Variants in EML5 observed in about 807,000 individuals in gnomAD.
EML5 encodes EMAP like 5.
A neutral mutation model predicts 250.0 loss-of-function variants in EML5; 120 were observed. That is an observed-to-expected ratio of 0.48 (90% confidence interval 0.41 to 0.56). The LOEUF is 0.56. EML5 is among the 20% of genes least tolerant of loss of function. EML5 has a pLI of 0.00. For missense variants in EML5, 2,006 were observed against 2,437.6 expected, an observed-to-expected ratio of 0.82 and a Z score of 3.73; for synonymous variants, 771 against 806.5, an observed-to-expected ratio of 0.96 and a Z score of 0.75.
chr14:88,755,814 A>C (rs1595788225), intron 1 of EML5, among the ~76,000 whole-genome samples: 2 of 152,114 alleles, frequency 1.3e-5, no homozygotes, highest in Non-Finnish European at 2.9e-5. Context: ...GAAACACAGC[A>C]AACCATTGTC....
intron 7 of EML5, among the ~76,000 whole-genome samples, chr14:88,736,033 A>C: frequency 1.5e-5 from 2 of 137,066 alleles, no homozygotes; most frequent in Non-Finnish European, 3.1e-5. Context: ...ATGGAGTCTC[A>C]CTCTGTTGCC....
Position 88,696,934 on chromosome 14 carries a change from T to C in EML5, c.2257A>G (p.Ile753Val), listed in dbSNP as rs1566652486. The change falls in exon 15 of 44, where the codon ATT becomes GTT. Residue 753 changes from isoleucine (I) to valine (V), a missense_variant. Ile to Val is a conservative substitution (Grantham distance 29). Around this residue, in one of 7 missense-constraint regions of EML5, gnomAD observed 1,375 missense variants for 1,590.3 expected, o/e 0.86. Coordinates refer to ENST00000554922, the MANE Select transcript of EML5 (RefSeq NM_183387.3). ...ATGGTCTCTGTATCCCATATATGAA[T>C]TGAGGGATCTCTACCAACCTAAAAT... ...ATGQVGRDPSIHIWDTETIKP... is the reference protein window; with the variant it reads ...ATGQVGRDPSVHIWDTETIKP... 1 of 1,594,188 alleles carries C rather than the reference T, an allele frequency of 6.3e-7. No homozygotes were observed.
At chr14:88,627,100 C>T (rs1595256228) in intron 34 of EML5, 54 bp from the exon 35 acceptor site, 4 of 1,552,662 alleles carry the variant, frequency 2.6e-6, no homozygotes, top group East Asian at 4.5e-5. Context: ...AGCTAATCAA[C>T]AGCATCAAAC....
intron 7 of EML5, among the ~76,000 whole-genome samples, chr14:88,733,232 G>A (rs901171302): frequency 3.9e-5 from 6 of 152,172 alleles, no homozygotes; most frequent in African/African-American, 1.4e-4. Context: ...CAAATGCTGG[G>A]TCTTGTCTGT....
At chr14:88,693,957 G>C (rs56403904) in intron 17 of EML5, among the ~76,000 whole-genome samples, 9 of 143,712 alleles carry the variant, frequency 6.3e-5, no homozygotes, top group Admixed American at 1.4e-4. Context: ...TTTTTTTGTA[G>C]AGACAGGGTC....
chr14:88,702,781 G>T (rs1041086970), intron 13 of EML5, 149 bp from the exon 14 acceptor site: 1 of 558,396 alleles, frequency 1.8e-6, no homozygotes, highest in Admixed American at 3.7e-5. Context: ...AAGAGATGGG[G>T]TCTCGCTCTG....
chr14:88,641,662 A>T (rs540999578), intron 31 of EML5, among the ~76,000 whole-genome samples: 2 of 152,170 alleles, frequency 1.3e-5, no homozygotes, highest in Non-Finnish European at 2.9e-5. Flanking sequence ...TAGGAATTGA[A>T]GGAACACACC....
chr14:88,746,187 T>C lies in EML5; in HGVS notation c.454A>G (p.Arg152Gly), dbSNP rs374191061. Residue 152 changes from arginine to glycine, a missense_variant and splice_region_variant, in exon 3 of 44, where the codon AGA becomes GGA. Transcript: ENST00000554922. ...AAATCTCAAAAGAGAATACTTACTCTATCTGTATGACCAGGAGCCATAGAC... is the reference window on the plus strand; with the variant it reads ...AAATCTCAAAAGAGAATACTTACTCCATCTGTATGACCAGGAGCCATAGAC... ...MLSMAPGHTD[R>G]IFDISWDLYQ... 2.5e-6 allele frequency: 4 copies of C among 1,610,370 alleles called. No homozygotes were observed. Among genetic ancestry groups the C allele is most frequent in the Non-Finnish European group, 3.4e-6 (4 of 1,177,354 alleles).
Position 88,616,146 on chromosome 14 carries a change from A to G in EML5, c.5893T>C (p.Cys1965Arg), listed in dbSNP as rs1284351429. 3.1e-6 allele frequency: 5 copies of G among 1,613,868 alleles called. No homozygotes were observed. The highest frequency in any genetic ancestry group is 4.2e-6 in the Non-Finnish European group (5 of 1,179,768). Residue 1965 changes from cysteine (C) to arginine (R), a missense_variant, in exon 43 of 44, where the codon TGC (cysteine) becomes CGC (arginine). Around this residue, in one of 7 missense-constraint regions of EML5, gnomAD observed 56 missense variants for 55.1 expected, o/e 1.02. Coordinates refer to ENST00000554922, the MANE Select transcript of EML5 (RefSeq NM_183387.3). ...RHVVSAGGDD[C>R]SLFVWKCVHT... ...TGGGCTGAGAAAGTTACTAACCTGCAGTCATCACCTCCAGCACTAACAACA... is the reference window on the plus strand; with the variant it reads ...TGGGCTGAGAAAGTTACTAACCTGCGGTCATCACCTCCAGCACTAACAACA...
At chr14:88,695,872 CG>C (rs1440285001) in intron 15 of EML5, among the ~76,000 whole-genome samples, 1 of 151,912 alleles carries the variant, frequency 6.6e-6, no homozygotes, top group Non-Finnish European at 1.5e-5. Context: ...ATGAAAAACA[CG>C]TAAGTTACAA....
At chr14:88,618,605 AAGC>A (rs780551790) in intron 40 of EML5, 42 bp downstream of exon 40, 1 of 1,570,638 alleles carries the variant, frequency 6.4e-7, no homozygotes, top group East Asian at 2.2e-5. Flanking sequence ...CGAAATGTAA[AAGC>A]AGAAGAACTT....
chr14:88,621,768 T>C (rs1462010944), intron 37 of EML5: 4 of 345,258 alleles, frequency 1.2e-5, no homozygotes, highest in Non-Finnish European at 2.3e-5. Flanking sequence ...ATAGGAGTTG[T>C]AGTTTTGAAT....
At chr14:88,732,808 G>T (rs1031690915) in intron 7 of EML5, among the ~76,000 whole-genome samples, 17 of 152,180 alleles carry the variant, frequency 1.1e-4, no homozygotes, top group Non-Finnish European at 1.9e-4. Flanking sequence ...GAATTAAGAA[G>T]AATTGATCTC....
chr14:88,746,408 A>G (rs2094005146), intron 2 of EML5, 125 bp from the exon 3 acceptor site: 3 of 708,690 alleles, frequency 4.2e-6, no homozygotes, highest in African/African-American at 1.8e-5. Context: ...ATATGCCTAT[A>G]TTTTATAGAC....
rs986205263 is a variant in EML5, at chr14:88,735,506, G to T, written c.1049+858C>A. On this transcript the variant is annotated intron_variant, in intron 7 of 43. Transcript: ENST00000554922. ...AATACATATTTTCAAATATAACAAGGTATCATTTTTCACCTTTTGGGATTA... is the reference window on the plus strand; with the variant it reads ...AATACATATTTTCAAATATAACAAGTTATCATTTTTCACCTTTTGGGATTA... 5.9e-5 allele frequency among the ~76,000 whole-genome samples: 9 copies of T among 152,058 alleles called. No homozygotes were observed. In the South Asian group the frequency reaches 1.9e-3, roughly 32 times the overall value.
At chr14:88,773,809 C>T (rs916266741) in intron 1 of EML5, among the ~76,000 whole-genome samples, 3 of 99,316 alleles carry the variant, frequency 3.0e-5, no homozygotes, top group African/African-American at 5.9e-5. Flanking sequence ...TTAACATCAC[C>T]TGGAGGTGAT....
At chr14:88,712,125 AT>A (rs1566679395) in intron 10 of EML5, 145 bp downstream of exon 10, 5 of 621,854 alleles carry the variant, frequency 8.0e-6, no homozygotes, top group African/African-American at 3.7e-5. Flanking sequence ...TATGACAATA[AT>A]TTTTGAATTA....
At chr14:88,682,084 C>T (rs2092725122) in intron 20 of EML5, 53 bp from the exon 21 acceptor site, 3 of 1,441,974 alleles carry the variant, frequency 2.1e-6, no homozygotes, top group African/African-American at 1.4e-5. Flanking sequence ...TATTTATACA[C>T]AGTTTTATTT....
intron 33 of EML5, among the ~76,000 whole-genome samples, chr14:88,630,307 G>A (rs2090368963): frequency 6.6e-6 from 1 of 152,068 alleles, no homozygotes; most frequent in South Asian, 2.1e-4. Flanking sequence ...TAGGATTACA[G>A]GCATGAGCCA....
Sources: gnomAD v4.1 joint callset for allele counts (sites outside exome capture counted in the v4.1 genomes callset) on GRCh38, gnomAD v4.1.1 for gene constraint, gnomAD v4.1.1 regional missense constraint, MANE v1.5 for transcripts, NCBI Gene and HGNC (gene_info 2026-07-23, HGNC 2026-07-21) for gene names.